The following KCTD1 variants were observed in gnomAD, a reference collection of about 807,000 sequenced individuals.
KCTD1 encodes potassium channel tetramerization domain containing 1.
Under a neutral mutation model 66.0 loss-of-function variants are expected in KCTD1, and 24 were observed. That is an observed-to-expected ratio of 0.36 (90% CI 0.26 to 0.51). KCTD1 has a LOEUF of 0.51. Among genes scored for constraint, KCTD1 ranks in the 20% least tolerant of loss-of-function variants. The probability of loss-of-function intolerance (pLI) is 0.95; values close to 1 mark genes in which losing one functional copy is unlikely to be tolerated. For missense variants in KCTD1, 943 were observed against 1,205.2 expected (o/e 0.78, Z 3.22); for synonymous variants, 511 against 517.2 (o/e 0.99, Z 0.16).
At chr18:26,601,326 T>TTTAAA (rs1555646203) in intron 1 of KCTD1, among the ~76,000 whole-genome samples, 2 of 93,252 alleles carry the variant, frequency 2.1e-5, no homozygotes, top group Admixed American at 2.5e-4. Context: ...TGTTCATTGG[T>TTTAAA]AAAAAAAAAA....
intron 4 of KCTD1, 50 bp downstream of exon 4, chr18:26,459,570 C>CAACA: frequency 6.6e-7 from 1 of 1,514,402 alleles, no homozygotes; most frequent in Non-Finnish European, 8.9e-7. Context: ...GGTTAAGTGA[C>CAACA]AACAGTAAGA....
intron 1 of KCTD1, among the ~76,000 whole-genome samples, chr18:26,515,844 C>T (rs868294320): frequency 1.3e-5 from 2 of 152,108 alleles, no homozygotes; most frequent in Non-Finnish European, 2.9e-5. Flanking sequence ...TGGCAGCAGA[C>T]GGCACTGCAC....
chr18:26,595,468 CAATGGATGTTA>C (rs1986744536), intron 1 of KCTD1, among the ~76,000 whole-genome samples: 2 of 152,148 alleles, frequency 1.3e-5, no homozygotes, highest in Non-Finnish European at 2.9e-5. Context: ...ATATTCTGGT[CAATGGATGTTA>C]GAGGGAGGGG....
Position 26,604,842 on chromosome 18 carries a change from T to A in KCTD1, c.-16+24305A>T, listed in dbSNP as rs1616725. 1.2e-3 allele frequency among the ~76,000 whole-genome samples: 176 copies of A among 151,976 alleles called. 5 individuals carry two copies. The South Asian group carries it at 0.036, about 31-fold the overall frequency. On this transcript the variant is annotated intron_variant, in intron 1 of 4. Transcript: ENST00000317932. Reference sequence around the variant, plus strand: ...ATCTGTACAATTAATCCCTGTGAAATGAGTTTATCTATGTAACAAACCTTC... The same window carrying A: ...ATCTGTACAATTAATCCCTGTGAAAAGAGTTTATCTATGTAACAAACCTTC...
chr18:26,500,685 T>C (rs975925552), intron 2 of KCTD1, among the ~76,000 whole-genome samples: 1 of 152,190 alleles, frequency 6.6e-6, no homozygotes, highest in Non-Finnish European at 1.5e-5. Flanking sequence ...CACAAGTTGA[T>C]GAACCAACTG....
intron 1 of KCTD1, chr18:26,600,214 A>G: frequency 3.1e-6 from 5 of 1,601,090 alleles, no homozygotes; most frequent in Non-Finnish European, 4.3e-6. Context: ...CTCCCAGCCC[A>G]AGTCGGCTTG....
At chr18:26,599,885 GC>G (rs1250188328) in intron 1 of KCTD1, 1 of 1,553,934 alleles carries the variant, frequency 6.4e-7, no homozygotes, top group Non-Finnish European at 8.9e-7. Context: ...CAGATCACAG[GC>G]AAAAAGCAAA....
chr18:26,459,451 C>A, intron 4 of KCTD1, 169 bp downstream of exon 4: 1 of 638,326 alleles, frequency 1.6e-6, no homozygotes, highest in Non-Finnish European at 2.6e-6. Flanking sequence ...GGCACAATCA[C>A]AAGACTTACG....
At chr18:26,620,968 G>A (rs1387394858) in intron 1 of KCTD1, among the ~76,000 whole-genome samples, 1 of 151,924 alleles carries the variant, frequency 6.6e-6, no homozygotes, top group Non-Finnish European at 1.5e-5. Context: ...GAGTAGCTGG[G>A]ACTACAGGCG....
intron 1 of KCTD1, among the ~76,000 whole-genome samples, chr18:26,517,900 G>A (rs998456509): frequency 1.3e-5 from 2 of 152,254 alleles, no homozygotes; most frequent in African/African-American, 4.8e-5. Flanking sequence ...GCTGACTCTG[G>A]ATTCCTGCAG....
At chr18:26,652,497 C>T (rs1362687685) in intron 1 of KCTD1, among the ~76,000 whole-genome samples, 1 of 152,010 alleles carries the variant, frequency 6.6e-6, no homozygotes, top group Non-Finnish European at 1.5e-5. Context: ...TCATAATCAT[C>T]TGACATGTTT....
intron 3 of KCTD1, among the ~76,000 whole-genome samples, chr18:26,461,682 A>ACAC (rs1169448765): frequency 7.2e-5 from 11 of 152,378 alleles, no homozygotes; most frequent in African/African-American, 2.2e-4. Context: ...ACTGACCTAA[A>ACAC]CACTTATTTA....
rs970401244 is a variant in KCTD1, at chr18:26,548,216, G to A, written c.321C>T (p.Pro107=). The A allele has an allele frequency of 3.3e-6, 5 of 1,507,098 alleles. No homozygotes were observed. Among genetic ancestry groups the A allele is most frequent in the Non-Finnish European group, 4.4e-6 (5 of 1,131,526 alleles). The allele number at this position is 1,507,098 out of a possible 1,614,324, so 93.4% of individuals were successfully genotyped here. The change falls in exon 1 of 5, where the codon CCC becomes CCT. Residue 107 remains proline (P), a synonymous_variant. Transcript: ENST00000580059. ...CCAGCTCCTCCCCGGCCGAGTCCTC[G>A]GGCTCCAGGGGCTCGTCCCAGTCCA... The part of the protein sequence containing the change: ...MGLDWDEPLE[P]EDSAGEELEP...
At chr18:26,620,378 A>C (rs796942869) in intron 1 of KCTD1, among the ~76,000 whole-genome samples, 3,579 of 141,056 alleles carry the variant, frequency 0.025, 48 homozygotes, top group Non-Finnish European at 0.03. Context: ...AAAAAAAAAA[A>C]AAAAAAACTA....
intron 1 of KCTD1, among the ~76,000 whole-genome samples, chr18:26,535,149 AC>A (rs1177403261): frequency 6.6e-6 from 1 of 151,662 alleles, no homozygotes; most frequent in African/African-American, 2.4e-5. Context: ...CAAGAGGTAA[AC>A]CCTTCCCCCA....
chr18:26,550,453 G>T (rs1390481382), upstream of KCTD1, among the ~76,000 whole-genome samples: 1 of 151,992 alleles, frequency 6.6e-6, no homozygotes, highest in African/African-American at 2.4e-5. The surrounding 1 kb of genome is among the most constrained non-coding windows in gnomAD (Gnocchi z 5.4). Flanking sequence ...TGCCTGCCCG[G>T]CCCTGGACGC....
chr18:26,493,877 A>G (rs1212682425), intron 2 of KCTD1, among the ~76,000 whole-genome samples: 1 of 152,184 alleles, frequency 6.6e-6, no homozygotes, highest in Non-Finnish European at 1.5e-5. Context: ...AGATGCCATT[A>G]GCAAAAAGCT....
At chr18:26,654,549 T>C (rs1988093140) in intron 1 of KCTD1, among the ~76,000 whole-genome samples, 1 of 152,196 alleles carries the variant, frequency 6.6e-6, no homozygotes, top group African/African-American at 2.4e-5. Context: ...GAGAGACATC[T>C]AGTGTGTGTT....
At chr18:26,469,944 A>C (rs920817007) in intron 3 of KCTD1, among the ~76,000 whole-genome samples, 10 of 139,824 alleles carry the variant, frequency 7.2e-5, no homozygotes, top group African/African-American at 1.4e-4. Flanking sequence ...AACAAACAAC[A>C]AACAAACAAA....
Sources: allele counts gnomAD v4.1 joint callset (sites outside exome capture counted in the v4.1 genomes callset), GRCh38; gene constraint gnomAD v4.1.1; non-coding constraint Gnocchi (gnomAD v3.1); transcripts MANE v1.5; gene names NCBI Gene and HGNC (gene_info 2026-07-23, HGNC 2026-07-21).